The following HECTD4 variants were observed in gnomAD, a reference collection of about 807,000 sequenced individuals.
HECTD4 encodes the protein HECT domain E3 ubiquitin protein ligase 4, also known as probable E3 ubiquitin-protein ligase HECTD4.
Under a neutral mutation model 471.5 loss-of-function variants are expected in HECTD4, and 114 were observed. The observed-to-expected ratio is 0.24, with a 90% CI of 0.21 to 0.28. The LOEUF is 0.28. Ranked by LOEUF, HECTD4 falls within the 10% of genes least tolerant of loss-of-function variation. HECTD4 has a pLI of 1.00. For missense variants in HECTD4, 3,866 were observed against 5,651.5 expected, an observed-to-expected ratio of 0.68 and a Z score of 10.13; for synonymous variants, 2,012 against 2,256.0, an observed-to-expected ratio of 0.89 and a Z score of 3.07.
intron 3 of HECTD4, among the ~76,000 whole-genome samples, chr12:112,313,605 G>A (rs1232624618): frequency 2.7e-5 from 4 of 149,152 alleles, no homozygotes; most frequent in East Asian, 2.0e-4. Flanking sequence ...CTCCTGCCTC[G>A]GCCTCCCAAA....
chr12:112,303,358 C>T (rs2035204516), intron 7 of HECTD4, among the ~76,000 whole-genome samples: 1 of 152,140 alleles, frequency 6.6e-6, no homozygotes, highest in East Asian at 1.9e-4. Context: ...GGGTATTCCC[C>T]TAAACGTATA....
chr12:112,220,494 CATT>C lies in HECTD4; in HGVS notation c.6971-1008_6971-1006del, dbSNP rs961985580. 4.6e-5 allele frequency among the ~76,000 whole-genome samples: 7 copies of C among 152,182 alleles called. No homozygotes were observed. The South Asian group carries it at 1.0e-3, about 23-fold the overall frequency. The stretch of plus-strand genomic sequence containing the variant: ...ATCCAGAAAGGCTTAATGAAAACAT[CATT>C]AAGTTAGATCTTAAGAAAGCCAGGT... On this transcript the variant is annotated intron_variant, in intron 44 of 75. Coordinates refer to ENST00000682272, the MANE Select transcript of HECTD4 (RefSeq NM_001388303.1).
intron 21 of HECTD4, among the ~76,000 whole-genome samples, chr12:112,254,904 A>G (rs1230393042): frequency 6.6e-6 from 1 of 152,218 alleles, no homozygotes; most frequent in East Asian, 1.9e-4. Flanking sequence ...GCTTCTGTAA[A>G]TACCAAACCC....
rs1199598228 is a variant in HECTD4 at position 112,283,304 on chromosome 12, T to A, written c.1336-2A>T. ...GGCTACAAATACACCATTTTCAACC[T>A]AACATAGAAAAAAAGGAGGTCCTAA... On this transcript the variant is annotated splice_acceptor_variant, in intron 7 of 75. Coordinates refer to ENST00000682272, the MANE Select transcript of HECTD4 (RefSeq NM_001388303.1). LOFTEE classifies it high-confidence loss of function. The A allele has an allele frequency of 6.3e-7, 1 of 1,598,860 alleles. No homozygotes were observed. The highest frequency in any genetic ancestry group is 1.8e-5 in the Admixed American group (1 of 57,110).
chr12:112,291,373 T>C (rs1267467786), intron 7 of HECTD4, among the ~76,000 whole-genome samples: 1 of 152,196 alleles, frequency 6.6e-6, no homozygotes, highest in East Asian at 1.9e-4. Context: ...ATCACACTTA[T>C]TATTAGCAAT....
intron 7 of HECTD4, among the ~76,000 whole-genome samples, chr12:112,287,296 C>T (rs974895328): frequency 7.9e-5 from 12 of 152,052 alleles, no homozygotes; most frequent in African/African-American, 2.2e-4. Context: ...ATAAGCTCCA[C>T]GAAAACAAAA....
At chr12:112,177,480 C>T (rs1295467855) in intron 64 of HECTD4, among the ~76,000 whole-genome samples, 2 of 151,360 alleles carry the variant, frequency 1.3e-5, no homozygotes, top group Non-Finnish European at 2.9e-5. Context: ...CCCGGGCTCA[C>T]GCCATTCTCC....
chr12:112,371,537 T>C (rs1466867680), intron 1 of HECTD4, among the ~76,000 whole-genome samples: 3 of 149,776 alleles, frequency 2.0e-5, no homozygotes, highest in African/African-American at 4.9e-5. Context: ...ATCACGCCAT[T>C]GCACTCCAGC....
chr12:112,162,731 A>G lies in HECTD4; in HGVS notation c.13121-208T>C, dbSNP rs993174197. 6.7e-6 allele frequency: 4 copies of G among 598,322 alleles called. No individual in the cohort carries two copies. In the South Asian group the frequency reaches 9.3e-5, roughly 14 times the overall value. The allele number at this position is 598,322 out of a possible 1,614,324, so 37.1% of individuals were successfully genotyped here. ...AGAGCTGCTGGACAGCGCATGTGCC[A>G]AACTGCTGATGGGTTTGTCTGCCCA... is the stretch of plus-strand genomic sequence containing the variant. On this transcript the variant is annotated intron_variant, in intron 75 of 75. Transcript: ENST00000682272. The surrounding 1 kb of genome is among the most constrained non-coding windows in gnomAD (Gnocchi z 5.2).
intron 1 of HECTD4, among the ~76,000 whole-genome samples, chr12:112,325,424 G>C (rs1413159882): frequency 6.6e-6 from 1 of 152,126 alleles, no homozygotes; most frequent in Non-Finnish European, 1.5e-5. Flanking sequence ...AGAACTGTTT[G>C]CTATGCCACT....
At chr12:112,298,708 CTCTG>C (rs1364713472) in intron 7 of HECTD4, among the ~76,000 whole-genome samples, 1 of 151,744 alleles carries the variant, frequency 6.6e-6, no homozygotes, top group Non-Finnish European at 1.5e-5. Flanking sequence ...CACGGTGAAA[CTCTG>C]TCTCTACTAA....
rs1056027431 is a variant in HECTD4 at position 112,170,394 on chromosome 12, C to T, written c.11991G>A (p.Val3997=). Residue 3997 remains valine, a synonymous_variant, in exon 69 of 76, where the codon GTG becomes GTA. Transcript: ENST00000682272. Reference sequence around the variant, plus strand: ...GGGCCGCGTGGTCCGCTGTCCTCTGCACAGTGGCATTCAGCACTCGATTCA... The same window carrying T: ...GGGCCGCGTGGTCCGCTGTCCTCTGTACAGTGGCATTCAGCACTCGATTCA... ...TVMNRVLNAT[V]QRTADHAAPE... is the part of the protein sequence containing the mutation. 1 of 1,613,992 alleles carries T rather than the reference C, an allele frequency of 6.2e-7. No homozygotes were observed. Among genetic ancestry groups the T allele is most frequent in the Non-Finnish European group, 8.5e-7 (1 of 1,179,890 alleles).
chr12:112,218,389 C>T (rs1280460835), intron 45 of HECTD4, among the ~76,000 whole-genome samples: 2 of 152,080 alleles, frequency 1.3e-5, no homozygotes, highest in Non-Finnish European at 2.9e-5. Flanking sequence ...AGTCAATCGC[C>T]GTTCCTCTCT....
At chr12:112,365,977 T>C (rs2036549645) in intron 1 of HECTD4, among the ~76,000 whole-genome samples, 1 of 152,012 alleles carries the variant, frequency 6.6e-6, no homozygotes, top group Non-Finnish European at 1.5e-5. Context: ...GGTTTCACCA[T>C]GTTGCCCGGG....
Position 112,284,947 on chromosome 12 carries a change from C to G in HECTD4, c.1336-1645G>C, listed in dbSNP as rs1448307951. Among the ~76,000 whole-genome samples the G allele has an allele frequency of 3.3e-5, 5 of 152,082 alleles. No individual in the cohort carries two copies. The East Asian group carries it at 9.6e-4, about 29-fold the overall frequency. On this transcript the variant is annotated intron_variant, in intron 7 of 75. Transcript: ENST00000682272. Reference sequence around the variant, plus strand: ...CCCAGGCTCAGATGATCCTCCCACCCCAGCCTCTCGAGTAGCTGGGACCAC... The same window carrying G: ...CCCAGGCTCAGATGATCCTCCCACCGCAGCCTCTCGAGTAGCTGGGACCAC...
chr12:112,177,375 C>CT lies in HECTD4; in HGVS notation c.11364-674dup, dbSNP rs1170542769. ...TATCCATACATGGAATGTTATGAGG[C>CT]TATTTTTTTTTTTTTTTTTTTTGAG... On this transcript the variant is annotated intron_variant, in intron 64 of 75. Coordinates refer to ENST00000682272, the MANE Select transcript of HECTD4 (RefSeq NM_001388303.1). Among the ~76,000 whole-genome samples, 1,085 of 143,374 alleles carry CT rather than the reference C, an allele frequency of 7.6e-3. 34 individuals carry two copies. The highest frequency in any genetic ancestry group is 0.025 in the African/African-American group (949 of 37,264). The allele number at this position is 143,374 out of a possible 152,430, so 94.1% of individuals were successfully genotyped here. A position where few individuals can be genotyped will look rare whatever the true frequency, so the allele number is the denominator to read the frequency against.
chr12:112,163,401 A>G lies in HECTD4; in HGVS notation c.12898-137T>C. ...GGGCTGTGAGCACAGGGAGATGACAATGATGACAATGATACAGGTCTGTGG... is the reference window on the plus strand; with the variant it reads ...GGGCTGTGAGCACAGGGAGATGACAGTGATGACAATGATACAGGTCTGTGG... On this transcript the variant is annotated intron_variant, in intron 74 of 75. Coordinates refer to ENST00000682272, the MANE Select transcript of HECTD4 (RefSeq NM_001388303.1). This position sits in a 1 kb window ranked among gnomAD's most constrained non-coding sequence, Gnocchi z 8.2. 9.8e-7 allele frequency: 1 copy of G among 1,016,922 alleles called. No homozygotes were observed. Among genetic ancestry groups the G allele is most frequent in the Non-Finnish European group, 1.4e-6 (1 of 699,906 alleles). 63.0% of individuals were successfully genotyped at this position (1,016,922 alleles called of 1,614,324 possible).
intron 1 of HECTD4, among the ~76,000 whole-genome samples, chr12:112,367,495 G>A (rs930571867): frequency 1.1e-4 from 17 of 151,922 alleles, no homozygotes; most frequent in African/African-American, 4.1e-4. Context: ...ACCCCTGAGG[G>A]AAAGGAAAGT....
In HECTD4 at chr12:112,208,548, C is replaced by T. The variant is rs367861335; in HGVS notation, c.7950G>A (p.Pro2650=). The T allele has an allele frequency of 4.3e-4, 696 of 1,603,958 alleles. 3 individuals are homozygous for T. Among genetic ancestry groups the T allele is most frequent in the Non-Finnish European group, 1.9e-4 (229 of 1,176,882 alleles). The part of the protein sequence containing the change: ...NFITSGPDPH[P]PPIADDESDD... ...CGCTTTCATCATCTGCAATGGGAGG[C>T]GGGTGAGGGTCTGGGCCAGAGGTGA... The change falls in exon 51 of 76, where the codon CCG becomes CCA. Residue 2650 remains proline, a synonymous_variant. Coordinates refer to ENST00000682272, the MANE Select transcript of HECTD4 (RefSeq NM_001388303.1).
Sources: allele counts gnomAD v4.1 joint callset (sites outside exome capture counted in the v4.1 genomes callset), GRCh38; gene constraint gnomAD v4.1.1; non-coding constraint Gnocchi (gnomAD v3.1); transcripts MANE v1.5; gene names NCBI Gene and HGNC (gene_info 2026-07-23, HGNC 2026-07-21).